The following RAP1GAP2 variants were observed in gnomAD, a reference collection of about 807,000 sequenced individuals.
RAP1GAP2 encodes the protein RAP1 GTPase activating protein 2, also known as rap1 GTPase-activating protein 2.
Under a neutral mutation model 95.0 loss-of-function variants are expected in RAP1GAP2, and 27 were observed. The observed-to-expected ratio is 0.28, with a 90% CI of 0.21 to 0.39. The LOEUF is 0.39. RAP1GAP2 is among the 10% of genes least tolerant of loss of function. The pLI, the probability that RAP1GAP2 is intolerant of heterozygous loss-of-function variation, is 1.00. For missense variants in RAP1GAP2, 771 were observed against 970.0 expected (o/e 0.79, Z 2.72); for synonymous variants, 373 against 380.9 (o/e 0.98, Z 0.24).
intron 2 of RAP1GAP2, among the ~76,000 whole-genome samples, chr17:2,875,207 C>G (rs908865242): frequency 6.6e-6 from 1 of 152,138 alleles, no homozygotes; most frequent in Non-Finnish European, 1.5e-5. Flanking sequence ...GCTGAGATTA[C>G]AGGCGTGCAC....
intron 2 of RAP1GAP2, among the ~76,000 whole-genome samples, chr17:2,852,488 C>A (rs1373984153): frequency 6.6e-6 from 1 of 152,186 alleles, no homozygotes; most frequent in Admixed American, 6.5e-5. Flanking sequence ...AGGGCTGAAG[C>A]CTCAGGCCCT....
intron 3 of RAP1GAP2, among the ~76,000 whole-genome samples, chr17:2,928,755 G>A (rs2043047317): frequency 6.6e-6 from 1 of 152,036 alleles, no homozygotes; most frequent in African/African-American, 2.4e-5. Flanking sequence ...TGGGGGCCCT[G>A]CACCAAGACC....
rs1348260390 is a variant in RAP1GAP2, at chr17:3,036,254, G to A, written c.*2893G>A. On this transcript the variant is annotated 3_prime_UTR_variant, in exon 25 of 25. Coordinates refer to ENST00000254695, the MANE Select transcript of RAP1GAP2 (RefSeq NM_015085.5). ...TAGCATCTCATCCAACCATGTCATC[G>A]TCCAGATGAGAAATCTTAGCCCAGG... 2 of 152,184 alleles carry A rather than the reference G, an allele frequency of 1.3e-5. No homozygotes were observed. Among genetic ancestry groups the A allele is most frequent in the Non-Finnish European group, 1.5e-5 (1 of 68,038 alleles). The allele number at this position is 152,184 out of a possible 1,614,324, so 9.4% of individuals were successfully genotyped here.
At chr17:2,943,678 CAAA>C (rs59361947) in intron 3 of RAP1GAP2, among the ~76,000 whole-genome samples, 1 of 151,756 alleles carries the variant, frequency 6.6e-6, no homozygotes, top group Non-Finnish European at 1.5e-5. Context: ...AACAAACAAA[CAAA>C]AAAAAACAAA....
chr17:2,850,835 C>A (rs113695290), intron 2 of RAP1GAP2, among the ~76,000 whole-genome samples: 5 of 151,194 alleles, frequency 3.3e-5, no homozygotes, highest in African/African-American at 9.7e-5. Context: ...CCAAGGCAGG[C>A]GGATCACCTG....
chr17:2,963,143 C>A lies in RAP1GAP2; in HGVS notation c.247-287C>A. On this transcript the variant is annotated intron_variant, in intron 5 of 24. Transcript: ENST00000254695. The surrounding 1 kb of genome is among the most constrained non-coding windows in gnomAD (Gnocchi z 4.8). ...CTGGGGGAGACTAGGGGTCATTTTC[C>A]GGAATGAGCGTTCTAGGATGAGAAG... is the stretch of plus-strand genomic sequence containing the variant. 1 of 546,490 alleles carries A rather than the reference C, an allele frequency of 1.8e-6. No homozygotes were observed. Among genetic ancestry groups the A allele is most frequent in the Non-Finnish European group, 3.2e-6 (1 of 307,804 alleles). The allele number at this position is 546,490 out of a possible 1,614,324, so 33.9% of individuals were successfully genotyped here. A position where few individuals can be genotyped will look rare whatever the true frequency, so the allele number is the denominator to read the frequency against.
chr17:2,973,030 G>A (rs905958634), intron 8 of RAP1GAP2, among the ~76,000 whole-genome samples: 4 of 152,150 alleles, frequency 2.6e-5, no homozygotes, highest in South Asian at 2.1e-4. Context: ...GATGGGAGAC[G>A]TAGGTGGTGA....
At chr17:2,853,516 G>A (rs902964295) in intron 2 of RAP1GAP2, among the ~76,000 whole-genome samples, 21 of 151,294 alleles carry the variant, frequency 1.4e-4, no homozygotes, top group Admixed American at 6.6e-5. Flanking sequence ...GAGCGGGCGA[G>A]GGGAGGCAGG....
upstream of RAP1GAP2, among the ~76,000 whole-genome samples, chr17:2,776,039 T>C (rs1189181536): frequency 1.3e-5 from 2 of 151,936 alleles, no homozygotes; most frequent in South Asian, 2.1e-4. Flanking sequence ...AGTAGCCGGG[T>C]ATGGTGGCGG....
chr17:2,796,176 G>A (rs1168510814), upstream of RAP1GAP2, among the ~76,000 whole-genome samples: 1 of 152,154 alleles, frequency 6.6e-6, no homozygotes, highest in Non-Finnish European at 1.5e-5. This position sits in a 1 kb window ranked among gnomAD's most constrained non-coding sequence, Gnocchi z 4.7. Flanking sequence ...TCCTTGGGGC[G>A]CCTTTGGGTT....
intron 4 of RAP1GAP2, among the ~76,000 whole-genome samples, chr17:2,961,244 G>T (rs1231544332): frequency 6.7e-6 from 1 of 149,338 alleles, no homozygotes; most frequent in African/African-American, 2.5e-5. Context: ...GCTGGGTGCA[G>T]TGGCTCACGC....
intron 2 of RAP1GAP2, among the ~76,000 whole-genome samples, chr17:2,823,479 TG>T (rs2070399509): frequency 6.6e-6 from 1 of 152,240 alleles, no homozygotes; most frequent in African/African-American, 2.4e-5. Flanking sequence ...TGTCTTCCTC[TG>T]GGCACCTGAC....
At chr17:2,979,029 A>G (rs1456127782) in intron 8 of RAP1GAP2, among the ~76,000 whole-genome samples, 1 of 152,160 alleles carries the variant, frequency 6.6e-6, no homozygotes, top group Non-Finnish European at 1.5e-5. Context: ...GATATTAAAA[A>G]TAATATGTCA....
At chr17:2,820,891 G>GTTTTTTTTTTTTTTTTT (rs1475267891) in intron 2 of RAP1GAP2, among the ~76,000 whole-genome samples, 52 of 113,994 alleles carry the variant, frequency 4.6e-4, no homozygotes, top group Admixed American at 1.1e-3. Flanking sequence ...CCCGGATAAT[G>GTTTTTTTTTTTTTTTTT]GTTTTTTTTT....
chr17:3,007,888 A>G, intron 16 of RAP1GAP2, 123 bp from the exon 17 acceptor site: 2 of 1,212,084 alleles, frequency 1.7e-6, no homozygotes, highest in Admixed American at 2.5e-5. Flanking sequence ...GTAGGTCCAC[A>G]CCGTTGCTGG....
intron 12 of RAP1GAP2, among the ~76,000 whole-genome samples, chr17:2,992,352 G>A (rs1423273471): frequency 1.3e-5 from 2 of 151,884 alleles, no homozygotes; most frequent in Non-Finnish European, 2.9e-5. Flanking sequence ...GGTAGAGACG[G>A]GGTTTCACCA....
chr17:2,824,597 G>A (rs374079746), intron 2 of RAP1GAP2, among the ~76,000 whole-genome samples: 4 of 151,324 alleles, frequency 2.6e-5, no homozygotes, highest in African/African-American at 7.3e-5. Context: ...AAAATTAGCC[G>A]GGCATGGTGG....
chr17:2,846,722 A>AGGG (rs1191312623), intron 2 of RAP1GAP2, among the ~76,000 whole-genome samples: 2 of 152,210 alleles, frequency 1.3e-5, no homozygotes, highest in Non-Finnish European at 2.9e-5. Flanking sequence ...TGAGGCACAG[A>AGGG]GGGGGTGAAT....
upstream of RAP1GAP2, among the ~76,000 whole-genome samples, chr17:2,775,931 C>A (rs2151439554): frequency 6.6e-6 from 1 of 152,340 alleles, no homozygotes; most frequent in East Asian, 1.9e-4. Context: ...GTCATCTCAG[C>A]ACTTTGGGAG....
Sources: allele counts gnomAD v4.1 joint callset (sites outside exome capture counted in the v4.1 genomes callset), GRCh38; gene constraint gnomAD v4.1.1; non-coding constraint Gnocchi (gnomAD v3.1); transcripts MANE v1.5; gene names NCBI Gene and HGNC (gene_info 2026-07-23, HGNC 2026-07-21).